Variants in PUDP observed in about 807,000 individuals in gnomAD.
The protein encoded by PUDP is pseudouridine-5'-phosphatase.
Under a neutral mutation model 9.4 loss-of-function variants are expected in PUDP, and 8 were observed. That is an observed-to-expected ratio of 0.85 (90% CI 0.50 to 1.53). PUDP has a LOEUF of 1.53. PUDP is among the 40% of genes most tolerant of loss of function. PUDP has a pLI of 0.00. For missense variants in PUDP, 188 were observed against 189.7 expected (o/e 0.99, Z 0.05); for synonymous variants, 99 against 80.7 (o/e 1.23, Z -1.22).
chrX:6,780,759 A>G (rs1021831430), intron 3 of PUDP, among the ~76,000 whole-genome samples: 2 of 110,875 alleles, frequency 1.8e-5, no homozygotes, highest in African/African-American at 3.3e-5. Context: ...CACCACCGCC[A>G]CCACCACCAA....
intron 3 of PUDP, among the ~76,000 whole-genome samples, chrX:6,925,036 C>T (rs891198840): frequency 8.9e-6 from 1 of 111,928 alleles, no homozygotes; most frequent in Non-Finnish European, 1.9e-5. Flanking sequence ...AATTTAAGGC[C>T]GGGCATGGTG....
chrX:6,748,830 C>T (rs1369467542), intron 3 of PUDP, among the ~76,000 whole-genome samples: 1 of 111,494 alleles, frequency 9.0e-6, no homozygotes, highest in Non-Finnish European at 1.9e-5. Context: ...GAATGTTTGC[C>T]CAGCAATGGA....
rs1395871022 is a variant in PUDP at position 7,059,086 on chromosome X, C to T, written c.511-8614G>A. 2.7e-5 allele frequency among the ~76,000 whole-genome samples: 3 copies of T among 111,717 alleles called. No individual in the cohort carries two copies. The East Asian group carries it at 8.4e-4, about 31-fold the overall frequency. ...GCTAGGTAAATGAATGAACTACACC[C>T]CTAAATTGATTCCTTCTCCTATAGA... On this transcript the variant is annotated intron_variant, in intron 3 of 3. Coordinates refer to ENST00000381077, the MANE Select transcript of PUDP (RefSeq NM_012080.5).
intron 3 of PUDP, among the ~76,000 whole-genome samples, chrX:6,938,485 G>C (rs1419878972): frequency 6.8e-5 from 5 of 73,733 alleles, no homozygotes; most frequent in African/African-American, 2.5e-4. Flanking sequence ...GACTGTTGTG[G>C]GGTCGGGGGA....
chrX:7,050,546 G>A (rs1930072233), intron 3 of PUDP, 74 bp from the exon 4 acceptor site: 6 of 931,175 alleles, frequency 6.4e-6, no homozygotes, highest in Non-Finnish European at 9.0e-6. Flanking sequence ...TATTATCGTC[G>A]TCACCATTGG....
At chrX:6,898,899 G>C (rs893049252) in intron 3 of PUDP, among the ~76,000 whole-genome samples, 1 of 111,639 alleles carries the variant, frequency 9.0e-6, no homozygotes, top group East Asian at 2.8e-4. Flanking sequence ...TGGAATCCAC[G>C]CTTCTCTTCA....
intron 1 of PUDP, among the ~76,000 whole-genome samples, chrX:7,140,914 T>G (rs1932789409): frequency 8.9e-6 from 1 of 112,065 alleles, no homozygotes; most frequent in Non-Finnish European, 1.9e-5. Flanking sequence ...TACGTCAATC[T>G]GTGATGAGTG....
intron 1 of PUDP, among the ~76,000 whole-genome samples, chrX:7,117,715 A>G (rs1932234991): frequency 8.8e-6 from 1 of 113,220 alleles, no homozygotes; most frequent in Non-Finnish European, 1.9e-5. Context: ...AGAAATTTGC[A>G]TATCTAAAAA....
chrX:7,088,777 AATT>A (rs1371343768), intron 2 of PUDP, among the ~76,000 whole-genome samples: 3 of 111,930 alleles, frequency 2.7e-5, no homozygotes, highest in African/African-American at 9.7e-5. Flanking sequence ...CCTTGCAGAG[AATT>A]ATTAGACTAG....
At chrX:6,805,418 A>T (rs771560604) in intron 3 of PUDP, among the ~76,000 whole-genome samples, 1 of 111,640 alleles carries the variant, frequency 9.0e-6, no homozygotes, top group South Asian at 3.8e-4. Context: ...GGGCAGAGAG[A>T]CCCACATGTC....
intron 3 of PUDP, among the ~76,000 whole-genome samples, chrX:6,753,613 C>T (rs1235389829): frequency 8.9e-6 from 1 of 112,080 alleles, no homozygotes; most frequent in Non-Finnish European, 1.9e-5. Context: ...GCTCCCTTTT[C>T]ACTGCATCCA....
chrX:6,987,962 G>A (rs1397127573), intron 1 of PUDP, among the ~76,000 whole-genome samples: 1 of 111,471 alleles, frequency 9.0e-6, no homozygotes, highest in African/African-American at 3.3e-5. Context: ...AGGTTCTCAG[G>A]TGTTATTTTC....
intron 1 of PUDP, among the ~76,000 whole-genome samples, chrX:6,992,650 C>A (rs933295231): frequency 4.5e-5 from 5 of 110,801 alleles, no homozygotes; most frequent in Non-Finnish European, 5.7e-5. Flanking sequence ...GAGACTTGAT[C>A]TCTGGGAAAT....
chrX:7,133,173 G>A (rs557806279), intron 1 of PUDP, among the ~76,000 whole-genome samples: 2 of 111,761 alleles, frequency 1.8e-5, no homozygotes, highest in South Asian at 3.8e-4. Context: ...TAGAGGCCCC[G>A]TTTAAAATAC....
chrX:6,790,752 T>C (rs1489977605), intron 3 of PUDP, among the ~76,000 whole-genome samples: 1 of 112,344 alleles, frequency 8.9e-6, no homozygotes, highest in Non-Finnish European at 1.9e-5. Flanking sequence ...AATATTCACA[T>C]AACAGGTGGG....
intron 3 of PUDP, among the ~76,000 whole-genome samples, chrX:6,965,159 C>T (rs1602693285): frequency 8.9e-6 from 1 of 111,923 alleles, no homozygotes; most frequent in Admixed American, 9.5e-5. Context: ...TAAAGCCTGT[C>T]GTAAGTGCTC....
chrX:7,095,327 G>A (rs1229959114), intron 2 of PUDP, among the ~76,000 whole-genome samples: 3 of 112,250 alleles, frequency 2.7e-5, no homozygotes, highest in African/African-American at 6.5e-5. Context: ...TCTTAGCGGC[G>A]GCAGGAGGCT....
chrX:6,916,248 A>ACACACC (rs1569122818), intron 3 of PUDP, among the ~76,000 whole-genome samples: 2 of 80,525 alleles, frequency 2.5e-5, no homozygotes, highest in African/African-American at 5.1e-5. Flanking sequence ...ACACACACAC[A>ACACACC]CCCTGGGGAA....
intron 3 of PUDP, among the ~76,000 whole-genome samples, chrX:6,958,796 A>G (rs1250387637): frequency 5.5e-5 from 6 of 108,770 alleles, no homozygotes. Flanking sequence ...GAGGTCTCAG[A>G]TGGAAATGAG....
Sources: allele counts gnomAD v4.1 joint callset (sites outside exome capture counted in the v4.1 genomes callset), GRCh38; gene constraint gnomAD v4.1.1; transcripts MANE v1.5; gene names NCBI Gene and HGNC (gene_info 2026-07-23, HGNC 2026-07-21).